Variants in SPARCL1 observed in about 807,000 individuals in gnomAD.
SPARCL1 encodes SPARC like 1.
A neutral mutation model predicts 67.1 loss-of-function variants in SPARCL1; 52 were observed. The ratio of observed to expected loss-of-function variants is 0.78; its 90% confidence interval spans 0.62 to 0.98. The LOEUF (loss-of-function observed/expected upper bound fraction) is 0.98, where lower values mean the gene tolerates loss of function less well. Ranked by LOEUF, SPARCL1 falls within the 50% of genes least tolerant of loss-of-function variation. The probability of loss-of-function intolerance (pLI) is 0.00; values close to 1 mark genes in which losing one functional copy is unlikely to be tolerated. For synonymous variants in SPARCL1, 226 were observed against 267.8 expected, an observed-to-expected ratio of 0.84 and a Z score of 1.52; for missense variants, 717 against 782.4, an observed-to-expected ratio of 0.92 and a Z score of 1.00.
intron 1 of SPARCL1, among the ~76,000 whole-genome samples, chr4:87,500,110 C>T (rs1225412677): frequency 2.6e-5 from 4 of 152,158 alleles, no homozygotes; most frequent in Non-Finnish European, 5.9e-5. Flanking sequence ...TTGGTAGGCA[C>T]TGTGCATTTT....
At chr4:87,506,753 C>T (rs1466602141) in intron 1 of SPARCL1, among the ~76,000 whole-genome samples, 1 of 131,986 alleles carries the variant, frequency 7.6e-6, no homozygotes, top group Non-Finnish European at 1.6e-5. Flanking sequence ...TAAACTAAGT[C>T]CTCATTATCT....
chr4:87,490,791 A>C lies in SPARCL1; in HGVS notation c.1379T>G (p.Val460Gly), dbSNP rs1335035702. ...AAGGGGTTTTGTTGGAGGACAAGTC[A>C]CTGGATCCTGGCAGACACAGTGAGG... ...GKPHCVCQDP[V>G]TCPPTKPLDQ... Residue 460 changes from valine to glycine, a missense_variant, in exon 6 of 11, where the codon GTG becomes GGG. Physicochemically the swap from Val to Gly is moderately radical, Grantham distance 109. Coordinates refer to ENST00000282470, the MANE Select transcript of SPARCL1 (RefSeq NM_004684.6). 2.5e-6 allele frequency: 4 copies of C among 1,612,376 alleles called. No homozygotes were observed. In the South Asian group the frequency reaches 3.3e-5, roughly 13 times the overall value.
At chr4:87,477,128 G>A (rs898780074) in intron 10 of SPARCL1, among the ~76,000 whole-genome samples, 5 of 152,288 alleles carry the variant, frequency 3.3e-5, no homozygotes, top group African/African-American at 7.2e-5. Flanking sequence ...CCAGACAACC[G>A]CCCAGCGGAG....
chr4:87,526,621 C>T (rs1367678695), intron 1 of SPARCL1, among the ~76,000 whole-genome samples: 4 of 152,188 alleles, frequency 2.6e-5, no homozygotes, highest in African/African-American at 9.7e-5. Flanking sequence ...AGGATTCTAG[C>T]CCAGATGCAT....
intron 2 of SPARCL1, among the ~76,000 whole-genome samples, chr4:87,497,817 C>T (rs998691175): frequency 1.3e-4 from 20 of 152,252 alleles, no homozygotes; most frequent in African/African-American, 2.9e-4. Context: ...GTGCTGTGTG[C>T]GATCTTGGCT....
intron 1 of SPARCL1, among the ~76,000 whole-genome samples, chr4:87,518,543 T>A (rs1725675750): frequency 6.6e-6 from 1 of 152,240 alleles, no homozygotes; most frequent in South Asian, 2.1e-4. Flanking sequence ...GAGATGATGC[T>A]GATACTTCTC....
Position 87,478,984 on chromosome 4 carries a change from T to A in SPARCL1, c.1966+446A>T, listed in dbSNP as rs561656976. 5.9e-5 allele frequency among the ~76,000 whole-genome samples: 9 copies of A among 152,256 alleles called. No homozygotes were observed. In the South Asian group the frequency reaches 1.5e-3, roughly 25 times the overall value. The stretch of plus-strand genomic sequence containing the variant: ...GCACTAATTGTGATGTAAAATCCAG[T>A]CTTTAGTGTGTTGGTAATGGATTCT... On this transcript the variant is annotated intron_variant, in intron 10 of 10. Transcript: ENST00000282470.
Position 87,494,108 on chromosome 4 carries a change from C to T in SPARCL1, c.692G>A (p.Ser231Asn), listed in dbSNP as rs1354721280. The change falls in exon 4 of 11, where the codon AGC (serine) becomes AAC (asparagine). Residue 231 changes from serine to asparagine, a missense_variant. Coordinates refer to ENST00000282470, the MANE Select transcript of SPARCL1 (RefSeq NM_004684.6). Reference sequence around the variant, plus strand: ...TTGGGTATTGTCTTCCTCCTGCTTGCTGTTAGCATGCTCCCTGGGCAATTC... The same window carrying T: ...TTGGGTATTGTCTTCCTCCTGCTTGTTGTTAGCATGCTCCCTGGGCAATTC... Reference protein sequence around the residue: ...KTELPREHANSKQEEDNTQSD... With the variant: ...KTELPREHANNKQEEDNTQSD... 1.2e-6 allele frequency: 2 copies of T among 1,613,688 alleles called. No individual in the cohort carries two copies. The highest frequency in any genetic ancestry group is 1.7e-6 in the Non-Finnish European group (2 of 1,180,032).
intron 10 of SPARCL1, among the ~76,000 whole-genome samples, chr4:87,475,868 A>G (rs1424587242): frequency 6.6e-6 from 1 of 152,230 alleles, no homozygotes; most frequent in East Asian, 1.9e-4. Flanking sequence ...CAACCCAGCA[A>G]TCCCATACTG....
chr4:87,486,420 G>A (rs987914556), intron 7 of SPARCL1, among the ~76,000 whole-genome samples: 4 of 152,102 alleles, frequency 2.6e-5, no homozygotes, highest in Non-Finnish European at 5.9e-5. Flanking sequence ...ATTGCAGTGT[G>A]GTCTGAGAGA....
rs1560819106 is a variant in SPARCL1 at position 87,494,024 on chromosome 4, T to C, written c.776A>G (p.Asp259Gly). 1 of 1,614,164 alleles carries C rather than the reference T, an allele frequency of 6.2e-7. No homozygotes were observed. Among genetic ancestry groups the C allele is most frequent in the East Asian group, 2.2e-5 (1 of 44,880 alleles). Residue 259 changes from aspartate to glycine, a missense_variant, in exon 4 of 11, where the codon GAT becomes GGT. Transcript: ENST00000282470. ...QPTQVSKMQE[D>G]EFDQGNQEQE... is the part of the protein sequence containing the mutation. ...TTCTTGGTTACCCTGATCAAATTCA[T>C]CCTCCTGCATCTTGCTTACTTGAGT...
intron 2 of SPARCL1, chr4:87,497,060 C>A (rs138918576): frequency 1.6e-3 from 289 of 182,316 alleles, no homozygotes; most frequent in African/African-American, 6.7e-3. Flanking sequence ...ATTTATTTTT[C>A]TAGTAGAGAC....
intron 7 of SPARCL1, among the ~76,000 whole-genome samples, chr4:87,485,174 C>T (rs1371604502): frequency 6.6e-6 from 1 of 152,024 alleles, no homozygotes; most frequent in Non-Finnish European, 1.5e-5. Context: ...CCAGCTTCTG[C>T]CCATTCAGTA....
chr4:87,516,028 G>A (rs1048611521), intron 1 of SPARCL1, among the ~76,000 whole-genome samples: 1 of 152,150 alleles, frequency 6.6e-6, no homozygotes, highest in East Asian at 1.9e-4. Context: ...TAGAAATGAT[G>A]TTCTGGGACT....
rs1377385968 is a variant in SPARCL1 at position 87,480,473 on chromosome 4, A to T, written c.1716T>A (p.His572Gln). ...LDEKRLLAGD[H>Q]PIDLLLRDFK... ...AGTCCCTTAAGAGAAGATCAATGGG[A>T]TGGTCCCCAGCCAAAAGCCTCTTTT... Residue 572 changes from histidine to glutamine, a missense_variant, in exon 9 of 11, where the codon CAT becomes CAA. Physicochemically the swap from His to Gln is conservative, Grantham distance 24 (BLOSUM62 0). Coordinates refer to ENST00000282470, the MANE Select transcript of SPARCL1 (RefSeq NM_004684.6). The T allele has an allele frequency of 6.2e-7, 1 of 1,612,942 alleles. No individual in the cohort carries two copies. The highest frequency in any genetic ancestry group is 8.5e-7 in the Non-Finnish European group (1 of 1,179,548).
intron 7 of SPARCL1, 146 bp from the exon 8 acceptor site, chr4:87,482,706 A>G (rs920649261): frequency 1.8e-5 from 14 of 766,230 alleles, no homozygotes; most frequent in African/African-American, 1.4e-4. Context: ...CAGCCCTGGC[A>G]GCAGCACAAC....
chr4:87,479,627 A>T (rs1171752396), intron 9 of SPARCL1, 49 bp from the exon 10 acceptor site: 2 of 1,585,588 alleles, frequency 1.3e-6, no homozygotes, highest in African/African-American at 2.7e-5. Context: ...TTGTGCATGA[A>T]GATTTAACTC....
chr4:87,476,027 G>C (rs1483976183), intron 10 of SPARCL1, among the ~76,000 whole-genome samples: 3 of 152,186 alleles, frequency 2.0e-5, no homozygotes, highest in African/African-American at 7.2e-5. Context: ...TTGATGGAGT[G>C]GTAGAGATAA....
At chr4:87,523,727 T>C (rs72881031) in intron 1 of SPARCL1, among the ~76,000 whole-genome samples, 4,721 of 152,288 alleles carry the variant, frequency 0.031, 128 homozygotes, top group African/African-American at 0.061. Context: ...AAGTATAAAA[T>C]ATTTAAATTA....
Sources: allele counts gnomAD v4.1 joint callset (sites outside exome capture counted in the v4.1 genomes callset), GRCh38; gene constraint gnomAD v4.1.1; transcripts MANE v1.5; gene names NCBI Gene and HGNC (gene_info 2026-07-23, HGNC 2026-07-21).